SNAP91: variants seen among roughly 807,000 people sequenced by gnomAD.
The protein encoded by SNAP91 is synaptosome associated protein 91, also known as clathrin coat assembly protein AP180.
SNAP91 carries 27 observed loss-of-function variants against 100.3 expected under a neutral mutation model. The observed-to-expected ratio is 0.27, with a 90% confidence interval of 0.20 to 0.37. The LOEUF is 0.37. Among genes scored for constraint, SNAP91 ranks in the 10% least tolerant of loss-of-function variants. The probability of loss-of-function intolerance (pLI) is 1.00; values close to 1 mark genes in which losing one functional copy is unlikely to be tolerated. For synonymous variants in SNAP91, 404 were observed against 398.6 expected (o/e 1.01, Z -0.16); for missense variants, 986 against 1,123.7 (o/e 0.88, Z 1.75).
chr6:83,620,980 G>C (rs2096700595), intron 9 of SNAP91, among the ~76,000 whole-genome samples: 1 of 152,116 alleles, frequency 6.6e-6, no homozygotes, highest in African/African-American at 2.4e-5. Context: ...TGGGATTACA[G>C]GCGTGAGCCA....
At chr6:83,670,409 T>C (rs1047385756) in intron 2 of SNAP91, among the ~76,000 whole-genome samples, 2 of 151,918 alleles carry the variant, frequency 1.3e-5, no homozygotes, top group African/African-American at 4.8e-5. Flanking sequence ...TTGGATTATT[T>C]TATTATTGAG....
At chr6:83,626,695 T>A (rs947887599) in intron 8 of SNAP91, among the ~76,000 whole-genome samples, 1 of 152,032 alleles carries the variant, frequency 6.6e-6, no homozygotes, top group Non-Finnish European at 1.5e-5. Context: ...TTGATTTTGA[T>A]GTTTGTAGGT....
intron 2 of SNAP91, among the ~76,000 whole-genome samples, chr6:83,691,231 T>C (rs1218395205): frequency 6.6e-6 from 1 of 152,112 alleles, no homozygotes; most frequent in Non-Finnish European, 1.5e-5. Context: ...TTAACCACAA[T>C]TACATAGCTT....
intron 23 of SNAP91, among the ~76,000 whole-genome samples, chr6:83,581,261 C>T (rs1038260299): frequency 6.6e-6 from 1 of 152,158 alleles, no homozygotes; most frequent in Non-Finnish European, 1.5e-5. Context: ...AAAAGTTGAT[C>T]ACATTTCAAA....
rs747428612 is a variant in SNAP91 at position 83,610,710 on chromosome 6, A to AAT, written c.885-35_885-34dup. On this transcript the variant is annotated intron_variant, in intron 11 of 29. Coordinates refer to ENST00000369694, the MANE Select transcript of SNAP91 (RefSeq NM_001242792.2). Reference sequence around the variant, plus strand: ...GCAACATAAAAAAAAATTAAAACTGAATATATATATATATATATATATATA... The same window carrying AAT: ...GCAACATAAAAAAAAATTAAAACTGAATATATATATATATATATATATATATA... The AAT allele has an allele frequency of 6.7e-3, 1,405 of 211,234 alleles. 11 individuals carry two copies. Among genetic ancestry groups the AAT allele is most frequent in the Admixed American group, 8.9e-3 (143 of 16,062 alleles). The allele number at this position is 211,234 out of a possible 1,614,324, so 13.1% of individuals were successfully genotyped here. A position where few individuals can be genotyped will look rare whatever the true frequency, so the allele number is the denominator to read the frequency against.
At chr6:83,564,037 G>C (rs1169277070) in intron 26 of SNAP91, among the ~76,000 whole-genome samples, 7 of 152,032 alleles carry the variant, frequency 4.6e-5, no homozygotes, top group Admixed American at 3.9e-4. Context: ...AGAGAACCAG[G>C]ATAGCCAAAA....
intron 14 of SNAP91, among the ~76,000 whole-genome samples, chr6:83,602,616 A>G (rs552584377): frequency 1.2e-4 from 19 of 152,162 alleles, no homozygotes; most frequent in Non-Finnish European, 2.5e-4. Context: ...TCCACCGGGC[A>G]AATTGTAGAA....
At chr6:83,670,729 A>G (rs1008290931) in intron 2 of SNAP91, among the ~76,000 whole-genome samples, 1 of 151,316 alleles carries the variant, frequency 6.6e-6, no homozygotes, top group African/African-American at 2.4e-5. Flanking sequence ...TGGATATCAA[A>G]TTTTTCCAAT....
intron 8 of SNAP91, among the ~76,000 whole-genome samples, chr6:83,633,259 T>A (rs2128486526): frequency 6.6e-6 from 1 of 152,334 alleles, no homozygotes; most frequent in East Asian, 1.9e-4. Flanking sequence ...CTCAGCCATG[T>A]ATACCAGCAC....
intron 2 of SNAP91, among the ~76,000 whole-genome samples, chr6:83,691,558 T>C (rs1003967438): frequency 1.3e-5 from 2 of 152,180 alleles, no homozygotes; most frequent in African/African-American, 4.8e-5. Flanking sequence ...TGTTCCTCAA[T>C]GGCAATTTAT....
At chr6:83,692,397 C>T (rs1259975285) in intron 2 of SNAP91, among the ~76,000 whole-genome samples, 2 of 151,954 alleles carry the variant, frequency 1.3e-5, no homozygotes, top group African/African-American at 4.8e-5. Flanking sequence ...CACCTGTAAT[C>T]GCAGGTACTC....
At chr6:83,683,415 A>C (rs2099018875) in intron 2 of SNAP91, among the ~76,000 whole-genome samples, 1 of 152,100 alleles carries the variant, frequency 6.6e-6, no homozygotes, top group Admixed American at 6.6e-5. Flanking sequence ...TGCTGTCCTC[A>C]CGGTAATGAG....
chr6:83,595,106 C>T (rs1177484093), intron 16 of SNAP91, among the ~76,000 whole-genome samples: 2 of 151,644 alleles, frequency 1.3e-5, no homozygotes, highest in Non-Finnish European at 2.9e-5. Flanking sequence ...CTAAGGTTTA[C>T]TAAGCATTCC....
chr6:83,684,642 C>T (rs1220550332), intron 2 of SNAP91, among the ~76,000 whole-genome samples: 1 of 152,172 alleles, frequency 6.6e-6, no homozygotes, highest in South Asian at 2.1e-4. Flanking sequence ...GCAAGCTTTG[C>T]TTCACCAGCA....
At chr6:83,628,124 G>A (rs1429717292) in intron 8 of SNAP91, among the ~76,000 whole-genome samples, 1 of 151,204 alleles carries the variant, frequency 6.6e-6, no homozygotes, top group African/African-American at 2.4e-5. Context: ...TTCCATTCCT[G>A]AGTTACTTCA....
At chr6:83,700,696 T>C (rs577065732) in intron 2 of SNAP91, among the ~76,000 whole-genome samples, 7 of 152,094 alleles carry the variant, frequency 4.6e-5, no homozygotes, top group African/African-American at 1.2e-4. Flanking sequence ...TCATGGCTCA[T>C]TGCAGGCTTG....
At chr6:83,594,570 G>A in intron 16 of SNAP91, 89 bp from the exon 17 acceptor site, 1 of 779,126 alleles carries the variant, frequency 1.3e-6, no homozygotes, top group South Asian at 2.1e-5. Flanking sequence ...TGTGAAGAAG[G>A]CTCCCTTATA....
intron 2 of SNAP91, among the ~76,000 whole-genome samples, chr6:83,694,539 G>A (rs1347295939): frequency 6.6e-6 from 1 of 152,174 alleles, no homozygotes; most frequent in East Asian, 1.9e-4. Context: ...CATGACCTGT[G>A]CTAAGCAAAT....
At chr6:83,666,270 G>A (rs1217432881) in intron 2 of SNAP91, among the ~76,000 whole-genome samples, 2 of 152,106 alleles carry the variant, frequency 1.3e-5, no homozygotes, top group African/African-American at 4.8e-5. Flanking sequence ...CTGGCCAACA[G>A]GGAGTGCCCA....
Sources: allele counts gnomAD v4.1 joint callset (sites outside exome capture counted in the v4.1 genomes callset), GRCh38; gene constraint gnomAD v4.1.1; transcripts MANE v1.5; gene names NCBI Gene and HGNC (gene_info 2026-07-23, HGNC 2026-07-21).